Variants in PLXNA1 observed in about 807,000 individuals in gnomAD.
PLXNA1 encodes plexin-A1.
A neutral mutation model predicts 191.7 loss-of-function variants in PLXNA1; 77 were observed. The ratio of observed to expected loss-of-function variants is 0.40; its 90% confidence interval spans 0.33 to 0.49. PLXNA1 has a LOEUF of 0.49. Ranked by LOEUF, PLXNA1 falls within the 20% of genes least tolerant of loss-of-function variation. The probability of loss-of-function intolerance (pLI) is 0.63; values close to 1 mark genes in which losing one functional copy is unlikely to be tolerated. For missense variants in PLXNA1, 2,110 were observed against 2,660.2 expected (o/e 0.79, Z 4.55); for synonymous variants, 1,137 against 1,156.4 (o/e 0.98, Z 0.34).
chr3:126,989,838 A>G, intron 2 of PLXNA1, 51 bp downstream of exon 2: 1 of 1,469,722 alleles, frequency 6.8e-7, no homozygotes, highest in Non-Finnish European at 9.3e-7. Context: ...CCCTCCAGGG[A>G]CGACGGCATC....
intron 27 of PLXNA1, 21 bp downstream of exon 27, chr3:127,029,557 C>T (rs778512010): frequency 2.0e-5 from 32 of 1,608,734 alleles, no homozygotes; most frequent in Middle Eastern, 1.6e-4. Flanking sequence ...AGGCAGCGGG[C>T]GAGAGGGCAG....
chr3:127,002,147 C>G (rs1211435837), intron 3 of PLXNA1, among the ~76,000 whole-genome samples: 2 of 152,242 alleles, frequency 1.3e-5, no homozygotes, highest in Non-Finnish European at 2.9e-5. Context: ...CCCTGCATCT[C>G]TCCTCCCAGA....
At chr3:127,027,237 G>A (rs2079180693) in intron 23 of PLXNA1, 2 of 223,724 alleles carry the variant, frequency 8.9e-6, no homozygotes, top group African/African-American at 4.6e-5. Context: ...TGGGACAGGA[G>A]GCGGTTCTCA....
rs1294511900 is a variant in PLXNA1, at chr3:127,015,454, C to T, written c.3014+134C>T. 3.1e-5 allele frequency: 37 copies of T among 1,203,332 alleles called. No individual in the cohort carries two copies. In the Middle Eastern group the frequency reaches 1.2e-3, roughly 37 times the overall value. 74.5% of individuals were successfully genotyped at this position (1,203,332 alleles called of 1,614,324 possible). ...GGGTGATCACTGTGAAACCCAGAGG[C>T]GGAGGTTACCATGGAAACAGGCTAC... On this transcript the variant is annotated intron_variant, in intron 15 of 31. Coordinates refer to ENST00000393409, the MANE Select transcript of PLXNA1 (RefSeq NM_032242.4).
intron 3 of PLXNA1, among the ~76,000 whole-genome samples, chr3:126,994,397 C>T (rs1170137210): frequency 1.3e-5 from 2 of 152,174 alleles, no homozygotes; most frequent in African/African-American, 2.4e-5. Flanking sequence ...CTGTTCCATC[C>T]GCTCTGCCTC....
At chr3:126,994,607 C>T (rs754674484) in intron 3 of PLXNA1, among the ~76,000 whole-genome samples, 3 of 152,162 alleles carry the variant, frequency 2.0e-5, no homozygotes, top group Non-Finnish European at 4.4e-5. Flanking sequence ...GGCCTCTGGC[C>T]TTGCTCCACT....
rs574274525 is a variant in PLXNA1 at position 127,017,491 on chromosome 3, A to G, written c.3343A>G (p.Ser1115Gly). 7.8e-5 allele frequency: 126 copies of G among 1,613,386 alleles called. No homozygotes were observed. The highest frequency in any genetic ancestry group is 1.5e-4 in the Admixed American group (9 of 60,012). Residue 1115 changes from serine (S) to glycine (G), a missense_variant, in exon 18 of 32, where the codon AGC becomes GGC. Transcript: ENST00000393409. Reference sequence around the variant, plus strand: ...CCCGTCTGTGGCCAACCCTGTGCGCAGCCCACCAGAGCTGGGGGAGCGGCC... The same window carrying G: ...CCCGTCTGTGGCCAACCCTGTGCGCGGCCCACCAGAGCTGGGGGAGCGGCC... ...RAPSVANPVR[S>G]PPELGERPDE...
intron 28 of PLXNA1, 85 bp downstream of exon 28, chr3:127,030,149 CCCCATGCT>C: frequency 6.3e-7 from 1 of 1,584,406 alleles, no homozygotes; most frequent in Non-Finnish European, 8.6e-7. Context: ...AGGGCCTCAC[CCCCATGCT>C]CCCATGGCCA....
chr3:127,018,770 CTGTT>C (rs1026819518), intron 20 of PLXNA1, among the ~76,000 whole-genome samples: 2 of 152,228 alleles, frequency 1.3e-5, no homozygotes, highest in African/African-American at 4.8e-5. Context: ...CAAAGCCAGA[CTGTT>C]TGCATTTGTA....
At chr3:127,012,549 C>T (rs1468631495) in intron 10 of PLXNA1, among the ~76,000 whole-genome samples, 1 of 152,232 alleles carries the variant, frequency 6.6e-6, no homozygotes, top group East Asian at 1.9e-4. Flanking sequence ...TGCCAGCCTT[C>T]ATCACTGTGG....
At chr3:126,990,362 C>T (rs531797178) in intron 2 of PLXNA1, among the ~76,000 whole-genome samples, 2 of 152,254 alleles carry the variant, frequency 1.3e-5, no homozygotes, top group Non-Finnish European at 2.9e-5. Context: ...CAGTTAACAA[C>T]TTGCAGAGAA....
At chr3:126,997,726 G>A (rs1320440030) in intron 3 of PLXNA1, among the ~76,000 whole-genome samples, 1 of 152,250 alleles carries the variant, frequency 6.6e-6, no homozygotes, top group Non-Finnish European at 1.5e-5. Flanking sequence ...GATGAGTGCC[G>A]TCCCAGAGCT....
intron 2 of PLXNA1, 71 bp from the exon 3 acceptor site, chr3:126,991,313 C>T: frequency 6.4e-7 from 1 of 1,561,742 alleles, no homozygotes; most frequent in Non-Finnish European, 8.7e-7. Context: ...ACTCCCAGCC[C>T]TGCCCAGGGA....
At chr3:126,992,250 G>T (rs115214347) in intron 3 of PLXNA1, among the ~76,000 whole-genome samples, 294 of 152,266 alleles carry the variant, frequency 1.9e-3, no homozygotes, top group African/African-American at 6.8e-3. Context: ...AGCTGCCTGG[G>T]CTGGGGTGGG....
rs866982969 is a variant in PLXNA1, at chr3:126,983,299, C to T, written c.-74+12C>T. Reference sequence around the variant, plus strand: ...CCCCGGGGCGGCGGGTGAGTCGGGGCGCAACTTTCCCCGCGGCGCGGGACG... The same window carrying T: ...CCCCGGGGCGGCGGGTGAGTCGGGGTGCAACTTTCCCCGCGGCGCGGGACG... On this transcript the variant is annotated intron_variant, in intron 1 of 31. Coordinates refer to ENST00000393409, the MANE Select transcript of PLXNA1 (RefSeq NM_032242.4). Among the ~76,000 whole-genome samples, 857 of 143,374 alleles carry T rather than the reference C, an allele frequency of 6.0e-3. 5 individuals are homozygous for T. The highest frequency in any genetic ancestry group is 0.019 in the African/African-American group (771 of 39,920). The allele number at this position is 143,374 out of a possible 152,430, so 94.1% of individuals were successfully genotyped here. A position where few individuals can be genotyped will look rare whatever the true frequency, so the allele number is the denominator to read the frequency against.
At position 127,003,369 on chromosome 3, in the gene PLXNA1, C is replaced by G. The variant is rs2079050041; in HGVS notation, c.1417C>G (p.Leu473Val). The G allele has an allele frequency of 6.2e-7, 1 of 1,611,292 alleles. No homozygotes were observed. Among genetic ancestry groups the G allele is most frequent in the Non-Finnish European group, 8.5e-7 (1 of 1,178,930 alleles). ...CTCAAACCCCGGTGGCCGGCCTGCC[C>G]TGGCCTACGAGAGCGTCGTGGCCCA... ...DLSNPGGRPALAYESVVAQEG... is the reference protein window; with the variant it reads ...DLSNPGGRPAVAYESVVAQEG... Residue 473 changes from leucine (L) to valine (V), a missense_variant, in exon 4 of 32, where the codon CTG becomes GTG. Around this residue, in one of 4 missense-constraint regions of PLXNA1, gnomAD observed 903 missense variants for 1,015.7 expected, o/e 0.89. Coordinates refer to ENST00000393409, the MANE Select transcript of PLXNA1 (RefSeq NM_032242.4).
intron 23 of PLXNA1, among the ~76,000 whole-genome samples, chr3:127,024,677 T>C (rs1261834507): frequency 6.6e-6 from 1 of 152,088 alleles, no homozygotes; most frequent in African/African-American, 2.4e-5. Flanking sequence ...CCTTAGGTCA[T>C]CACTGCCCTC....
intron 21 of PLXNA1, among the ~76,000 whole-genome samples, chr3:127,021,450 C>A (rs933169104): frequency 6.6e-6 from 1 of 152,150 alleles, no homozygotes; most frequent in Admixed American, 6.5e-5. Context: ...TTAGTATGAA[C>A]AAGAGAGAGA....
intron 4 of PLXNA1, among the ~76,000 whole-genome samples, chr3:127,004,385 A>AT (rs966058526): frequency 6.6e-6 from 1 of 152,144 alleles, no homozygotes; most frequent in Non-Finnish European, 1.5e-5. Flanking sequence ...CTCACCCCAT[A>AT]TGGACTGTTC....
Sources: gnomAD v4.1 joint callset for allele counts (sites outside exome capture counted in the v4.1 genomes callset) on GRCh38, gnomAD v4.1.1 for gene constraint, gnomAD v4.1.1 regional missense constraint, MANE v1.5 for transcripts, NCBI Gene and HGNC (gene_info 2026-07-23, HGNC 2026-07-21) for gene names.